The following KIF26B variants were observed in gnomAD, a reference collection of about 807,000 sequenced individuals.
KIF26B encodes kinesin-like protein KIF26B.
Under a neutral mutation model 151.2 loss-of-function variants are expected in KIF26B, and 63 were observed. That is an observed-to-expected ratio of 0.42 (90% CI 0.34 to 0.51). KIF26B has a LOEUF of 0.51. Ranked by LOEUF, KIF26B falls within the 20% of genes least tolerant of loss-of-function variation. The pLI, the probability that KIF26B is intolerant of heterozygous loss-of-function variation, is 0.07. For missense variants in KIF26B, 2,813 were observed against 2,913.6 expected, an observed-to-expected ratio of 0.97 and a Z score of 0.79; for synonymous variants, 1,357 against 1,262.1, an observed-to-expected ratio of 1.08 and a Z score of -1.59.
chr1:245,523,694 C>T (rs1661180801), intron 4 of KIF26B, among the ~76,000 whole-genome samples: 1 of 152,174 alleles, frequency 6.6e-6, no homozygotes, highest in African/African-American at 2.4e-5. Context: ...GGGCTCCACC[C>T]TCATGACCTA....
intron 4 of KIF26B, among the ~76,000 whole-genome samples, chr1:245,452,593 G>GTATT (rs1659422836): frequency 6.6e-6 from 1 of 151,848 alleles, no homozygotes; most frequent in South Asian, 2.1e-4. Flanking sequence ...ATTCTCGACA[G>GTATT]TATTTATTTT....
rs186784046 is a variant in KIF26B at position 245,265,075 on chromosome 1, G to A, written c.466-101759G>A. ...AAATTAGCCAGGCGTGGTGGCTGGC[G>A]CCTGTAGTCCCAGGTACTCGGGAGG... is the stretch of plus-strand genomic sequence containing the variant. On this transcript the variant is annotated intron_variant, in intron 2 of 14. Coordinates refer to ENST00000407071, the MANE Select transcript of KIF26B (RefSeq NM_018012.4). Among the ~76,000 whole-genome samples, 849 of 151,122 alleles carry A rather than the reference G, an allele frequency of 5.6e-3. 5 individuals are homozygous for A. Among genetic ancestry groups the A allele is most frequent in the Non-Finnish European group, 8.1e-3 (547 of 67,718 alleles).
chr1:245,361,237 G>T (rs1038049194), intron 2 of KIF26B, among the ~76,000 whole-genome samples: 8 of 152,158 alleles, frequency 5.3e-5, no homozygotes, highest in African/African-American at 1.9e-4. Flanking sequence ...TGCAGAACAC[G>T]ATCGTTCAAA....
intron 4 of KIF26B, among the ~76,000 whole-genome samples, chr1:245,522,192 T>C (rs1661143449): frequency 6.6e-6 from 1 of 152,124 alleles, no homozygotes; most frequent in Non-Finnish European, 1.5e-5. Flanking sequence ...ATCTTGACCA[T>C]GGACCACGCT....
intron 4 of KIF26B, among the ~76,000 whole-genome samples, chr1:245,499,796 T>C (rs1572093367): frequency 1.3e-5 from 2 of 152,292 alleles, no homozygotes; most frequent in East Asian, 3.9e-4. Flanking sequence ...TTTGTTTGGT[T>C]CGGTTTGTGC....
chr1:245,383,818 G>T (rs1673473137), intron 3 of KIF26B, among the ~76,000 whole-genome samples: 2 of 152,156 alleles, frequency 1.3e-5, no homozygotes, highest in Admixed American at 6.5e-5. Flanking sequence ...ACTAATAAGT[G>T]TCATTTAGAG....
intron 2 of KIF26B, among the ~76,000 whole-genome samples, chr1:245,332,020 G>A (rs1046155733): frequency 6.6e-6 from 1 of 152,166 alleles, no homozygotes; most frequent in Non-Finnish European, 1.5e-5. Flanking sequence ...CAGCTAGTCG[G>A]GAGGCTGAGG....
At chr1:245,264,000 G>A (rs1670697467) in intron 2 of KIF26B, among the ~76,000 whole-genome samples, 1 of 152,168 alleles carries the variant, frequency 6.6e-6, no homozygotes, top group Admixed American at 6.5e-5. Flanking sequence ...CAGCTTCTAA[G>A]TTATTATGCC....
At chr1:245,345,517 C>T (rs1388931043) in intron 2 of KIF26B, among the ~76,000 whole-genome samples, 1 of 152,130 alleles carries the variant, frequency 6.6e-6, no homozygotes, top group East Asian at 1.9e-4. Flanking sequence ...CAGCGCCTTT[C>T]CTGAGAGGTC....
intron 10 of KIF26B, among the ~76,000 whole-genome samples, chr1:245,659,598 T>C (rs2044111977): frequency 6.6e-6 from 1 of 152,196 alleles, no homozygotes; most frequent in African/African-American, 2.4e-5. Context: ...ATCTTCAAAA[T>C]ATACAGTACT....
chr1:245,258,893 G>A lies in KIF26B; in HGVS notation c.465+102210G>A, dbSNP rs367782814. Among the ~76,000 whole-genome samples, 13 of 152,312 alleles carry A rather than the reference G, an allele frequency of 8.5e-5. No individual in the cohort carries two copies. In the East Asian group the frequency reaches 1.2e-3, roughly 14 times the overall value. On this transcript the variant is annotated intron_variant, in intron 2 of 14. Coordinates refer to ENST00000407071, the MANE Select transcript of KIF26B (RefSeq NM_018012.4). ...CATCTCCGCTCCGGTTTTCCCATGC[G>A]TGAGCCCTCTGCAGTGTGTGGCATG...
chr1:245,656,239 G>A (rs1007440946), intron 10 of KIF26B, among the ~76,000 whole-genome samples: 3 of 152,076 alleles, frequency 2.0e-5, no homozygotes, highest in African/African-American at 7.2e-5. Context: ...AGAAGGGGTC[G>A]GGTGGGGCTG....
chr1:245,185,952 G>A (rs1477865974), intron 2 of KIF26B, among the ~76,000 whole-genome samples: 2 of 152,068 alleles, frequency 1.3e-5, no homozygotes, highest in Non-Finnish European at 2.9e-5. Flanking sequence ...TCAGCTCACT[G>A]CAACCTCCGC....
intron 3 of KIF26B, among the ~76,000 whole-genome samples, chr1:245,389,683 C>T (rs1223863847): frequency 6.6e-6 from 1 of 152,092 alleles, no homozygotes; most frequent in East Asian, 1.9e-4. Flanking sequence ...GCTTAAGTTA[C>T]CTATGAAGTA....
At chr1:245,638,831 A>C (rs2043859239) in intron 9 of KIF26B, among the ~76,000 whole-genome samples, 1 of 151,938 alleles carries the variant, frequency 6.6e-6, no homozygotes, top group African/African-American at 2.4e-5. Flanking sequence ...CACTGGGATG[A>C]ATCCTACTTG....
At chr1:245,626,063 A>G (rs936636787) in intron 9 of KIF26B, among the ~76,000 whole-genome samples, 1 of 152,188 alleles carries the variant, frequency 6.6e-6, no homozygotes, top group African/African-American at 2.4e-5. Flanking sequence ...GAGTTTTTGT[A>G]TAACTGCTAG....
intron 3 of KIF26B, among the ~76,000 whole-genome samples, chr1:245,384,675 T>C (rs1364313129): frequency 6.6e-6 from 1 of 152,166 alleles, no homozygotes; most frequent in East Asian, 1.9e-4. Flanking sequence ...CACGTATTTA[T>C]GGAGTCCTGA....
chr1:245,342,290 A>G (rs1171605391), intron 2 of KIF26B, among the ~76,000 whole-genome samples: 13 of 152,242 alleles, frequency 8.5e-5, no homozygotes, highest in African/African-American at 2.7e-4. Flanking sequence ...TTGCACCAAG[A>G]TGAAGAAGTG....
intron 3 of KIF26B, among the ~76,000 whole-genome samples, chr1:245,396,465 G>C (rs1358828965): frequency 1.3e-5 from 2 of 152,002 alleles, no homozygotes; most frequent in East Asian, 3.9e-4. Context: ...AAGAAATGCT[G>C]TCTCTACTAA....
Sources: allele counts gnomAD v4.1 joint callset (sites outside exome capture counted in the v4.1 genomes callset), GRCh38; gene constraint gnomAD v4.1.1; transcripts MANE v1.5; gene names NCBI Gene and HGNC (gene_info 2026-07-23, HGNC 2026-07-21).